Variants in CDH20 observed in about 807,000 individuals in gnomAD.
CDH20 encodes the protein cadherin-20.
In CDH20, 29 loss-of-function variants were observed where a neutral mutation model predicts 74.2. The ratio of observed to expected loss-of-function variants is 0.39; its 90% CI spans 0.29 to 0.53. CDH20 has a LOEUF of 0.53. CDH20 is among the 20% of genes least tolerant of loss of function. CDH20 has a pLI of 0.69. For synonymous variants in CDH20, 469 were observed against 405.4 expected (o/e 1.16, Z -1.88); for missense variants, 988 against 1,048.3 (o/e 0.94, Z 0.79).
intron 1 of CDH20, among the ~76,000 whole-genome samples, chr18:61,384,816 T>G (rs1163092886): frequency 6.6e-6 from 1 of 152,226 alleles, no homozygotes; most frequent in African/African-American, 2.4e-5. Context: ...AGCCAAGTAC[T>G]TTATCCCATC....
At chr18:61,489,525 A>G (rs665625) in intron 1 of CDH20, among the ~76,000 whole-genome samples, 150,286 of 151,488 alleles carry the variant, frequency 0.99, 74,563 homozygotes, top group Middle Eastern at 1. Flanking sequence ...CATAGCCCAG[A>G]AGTGAGGTCA....
At chr18:61,432,197 C>T (rs1568136836) in intron 1 of CDH20, among the ~76,000 whole-genome samples, 2 of 149,390 alleles carry the variant, frequency 1.3e-5, no homozygotes, top group Non-Finnish European at 3.0e-5. Context: ...TGAGCTGAGA[C>T]CATGCCATTG....
At chr18:61,367,900 G>A (rs1910910428) in intron 1 of CDH20, among the ~76,000 whole-genome samples, 1 of 151,964 alleles carries the variant, frequency 6.6e-6, no homozygotes, top group African/African-American at 2.4e-5. Flanking sequence ...TTTGTGTTTT[G>A]TATCATTTCC....
At chr18:61,445,779 A>G (rs1357998283) in intron 1 of CDH20, among the ~76,000 whole-genome samples, 1 of 152,082 alleles carries the variant, frequency 6.6e-6, no homozygotes, top group African/African-American at 2.4e-5. Flanking sequence ...TTTCTCACAA[A>G]TCTCCACTGT....
chr18:61,525,972 T>G (rs1192784377), intron 6 of CDH20, among the ~76,000 whole-genome samples: 2 of 129,538 alleles, frequency 1.5e-5, no homozygotes, highest in Non-Finnish European at 3.3e-5. Context: ...TAATTTTTTT[T>G]TTTTTTTTTT....
At chr18:61,524,608 C>T (rs113422473) in intron 6 of CDH20, among the ~76,000 whole-genome samples, 38 of 152,166 alleles carry the variant, frequency 2.5e-4, no homozygotes, top group African/African-American at 4.8e-4. Flanking sequence ...CAGAATACTA[C>T]GTGGAAATAA....
intron 1 of CDH20, among the ~76,000 whole-genome samples, chr18:61,382,781 G>T (rs1911474184): frequency 6.6e-6 from 1 of 152,106 alleles, no homozygotes; most frequent in African/African-American, 2.4e-5. Flanking sequence ...ATGATAGCAG[G>T]GAAGCTTAAG....
chr18:61,345,434 A>G (rs1568103279), intron 1 of CDH20, among the ~76,000 whole-genome samples: 1 of 152,178 alleles, frequency 6.6e-6, no homozygotes, highest in Non-Finnish European at 1.5e-5. Flanking sequence ...GTCAGTGACC[A>G]GGGTCATCTG....
intron 1 of CDH20, among the ~76,000 whole-genome samples, chr18:61,443,090 A>G (rs892742683): frequency 2.0e-5 from 3 of 152,168 alleles, no homozygotes; most frequent in Non-Finnish European, 4.4e-5. Flanking sequence ...AATGGGTGAA[A>G]GAATAAAGGA....
chr18:61,499,522 A>ATAT (rs766046287), intron 3 of CDH20, 42 bp downstream of exon 3: 1 of 1,353,428 alleles, frequency 7.4e-7, no homozygotes, highest in Non-Finnish European at 1.0e-6. Context: ...AGCACCTCCT[A>ATAT]TATATATACA....
chr18:61,517,279 A>G (rs553989576), intron 6 of CDH20, among the ~76,000 whole-genome samples: 46 of 152,302 alleles, frequency 3.0e-4, no homozygotes, highest in Admixed American at 5.9e-4. Context: ...CTGCTCTTCA[A>G]AGGACACTGT....
At chr18:61,401,632 T>C (rs1232264398) in intron 1 of CDH20, among the ~76,000 whole-genome samples, 1 of 152,206 alleles carries the variant, frequency 6.6e-6, no homozygotes, top group Non-Finnish European at 1.5e-5. Context: ...TGATTTTCCA[T>C]GTTCATTGTT....
Position 61,339,681 on chromosome 18 carries a change from ATTTTTTT to A in CDH20, c.-153+5872_-153+5878del, listed in dbSNP as rs898945778. ...ATGGATACATCTGATGGTCATAGAAATTTTTTTTTTTTTTTTTTTTTTTTGAGATGGA... is the reference window on the plus strand; with the variant it reads ...ATGGATACATCTGATGGTCATAGAAATTTTTTTTTTTTTTTTTGAGATGGA... On this transcript the variant is annotated intron_variant, in intron 1 of 11. Transcript: ENST00000262717. Among the ~76,000 whole-genome samples the A allele has an allele frequency of 1.2e-4, 11 of 88,418 alleles. No homozygotes were observed. In the Admixed American group the frequency reaches 1.4e-3, roughly 11 times the overall value. 58.0% of individuals were successfully genotyped at this position (88,418 alleles called of 152,430 possible).
chr18:61,496,125 C>A (rs1269890162), intron 2 of CDH20, among the ~76,000 whole-genome samples: 1 of 56,180 alleles, frequency 1.8e-5, no homozygotes, highest in Non-Finnish European at 3.8e-5. Context: ...TTCCTCTCCC[C>A]CTCTCTCCTC....
At chr18:61,505,526 G>C (rs533063500) in intron 5 of CDH20, among the ~76,000 whole-genome samples, 1 of 152,004 alleles carries the variant, frequency 6.6e-6, no homozygotes, top group Non-Finnish European at 1.5e-5. Flanking sequence ...TATAGAGATG[G>C]GATTTTGTCA....
At chr18:61,473,358 C>T (rs552136719) in intron 1 of CDH20, among the ~76,000 whole-genome samples, 19 of 152,146 alleles carry the variant, frequency 1.2e-4, no homozygotes, top group East Asian at 9.7e-4. Context: ...CTTTTAATAC[C>T]GTGAAGAGAA....
chr18:61,375,775 AT>A (rs371455682), intron 1 of CDH20, among the ~76,000 whole-genome samples: 5 of 151,814 alleles, frequency 3.3e-5, no homozygotes, highest in African/African-American at 2.4e-5. Context: ...CTGCCCTTAA[AT>A]TTTTTTTCTC....
chr18:61,472,289 T>C (rs1284746048), intron 1 of CDH20, among the ~76,000 whole-genome samples: 1 of 152,018 alleles, frequency 6.6e-6, no homozygotes, highest in Non-Finnish European at 1.5e-5. Flanking sequence ...TGGGTCTTAC[T>C]TCCCCCCGAG....
At chr18:61,393,992 T>C (rs976257322) in intron 1 of CDH20, among the ~76,000 whole-genome samples, 16 of 152,290 alleles carry the variant, frequency 1.1e-4, no homozygotes, top group African/African-American at 3.8e-4. Flanking sequence ...AATTTTTTAA[T>C]TTATGTAATA....
Sources: allele counts gnomAD v4.1 joint callset (sites outside exome capture counted in the v4.1 genomes callset), GRCh38; gene constraint gnomAD v4.1.1; transcripts MANE v1.5; gene names NCBI Gene and HGNC (gene_info 2026-07-23, HGNC 2026-07-21).